The following LRRC37B variants were observed in gnomAD, a reference collection of about 807,000 sequenced individuals.
The protein encoded by LRRC37B is leucine-rich repeat-containing protein 37B.
Under a neutral mutation model 98.3 loss-of-function variants are expected in LRRC37B, and 28 were observed. That is an observed-to-expected ratio of 0.28 (90% CI 0.21 to 0.39). The LOEUF is 0.39. LRRC37B is among the 10% of genes least tolerant of loss of function. LRRC37B has a pLI of 1.00. For missense variants in LRRC37B, 938 were observed against 1,182.7 expected, an observed-to-expected ratio of 0.79 and a Z score of 3.03; for synonymous variants, 364 against 442.7, an observed-to-expected ratio of 0.82 and a Z score of 2.23.
At chr17:32,012,698 A>T (rs1461567614) in intron 1 of LRRC37B, among the ~76,000 whole-genome samples, 5 of 151,296 alleles carry the variant, frequency 3.3e-5, no homozygotes, top group Non-Finnish European at 7.4e-5. Flanking sequence ...CCTGGGAAGC[A>T]GAGCAAGACT....
chr17:32,035,390 C>G (rs769780378), intron 6 of LRRC37B, among the ~76,000 whole-genome samples, 175 bp from the exon 10 acceptor site: 2 of 151,936 alleles, frequency 1.3e-5, no homozygotes, highest in African/African-American at 4.8e-5. Flanking sequence ...TGACGTAGAT[C>G]AACTTAAATT....
intron 1 of LRRC37B, 105 bp downstream of exon 4, chr17:32,022,930 A>T (rs1312279077): frequency 1.8e-6 from 2 of 1,109,208 alleles, no homozygotes; most frequent in Admixed American, 2.0e-5. Context: ...CCATACTGAC[A>T]AGTGACTTTC....
chr17:32,044,606 G>A (rs573513868), intron 7 of LRRC37B, among the ~76,000 whole-genome samples: 205 of 152,300 alleles, frequency 1.3e-3, no homozygotes, highest in African/African-American at 4.5e-3. Context: ...TTTGCTGGGT[G>A]TGGTGGCTCA....
intron 1 of LRRC37B, among the ~76,000 whole-genome samples, chr17:32,013,726 G>A (rs1454417100): frequency 6.6e-6 from 1 of 151,720 alleles, no homozygotes; most frequent in East Asian, 1.9e-4. Flanking sequence ...GTGTGTGTGT[G>A]TGTGTGTGTA....
At chr17:32,041,777 G>A (rs545049167) in intron 7 of LRRC37B, 15 of 458,182 alleles carry the variant, frequency 3.3e-5, no homozygotes, top group Non-Finnish European at 6.6e-5. Flanking sequence ...ACTCCATGGC[G>A]CCGGCCTCCT....
At chr17:32,040,933 A>G (rs1036157955) in intron 7 of LRRC37B, 8 of 962,186 alleles carry the variant, frequency 8.3e-6, no homozygotes, top group Middle Eastern at 2.4e-4. Flanking sequence ...GACTTTGACT[A>G]AAAGAAGCGG....
chr17:32,011,787 G>A (rs547714123), intron 1 of LRRC37B, among the ~76,000 whole-genome samples: 3 of 152,224 alleles, frequency 2.0e-5, no homozygotes, highest in South Asian at 2.1e-4. Flanking sequence ...ATGAGCCACC[G>A]CGCCCAGCCC....
chr17:32,020,875 G>A (rs1910750889), upstream of LRRC37B: 11 of 1,229,492 alleles, frequency 8.9e-6, no homozygotes, highest in Non-Finnish European at 1.1e-5. Context: ...GGCCGCTGGA[G>A]TCCTGGGACC....
chr17:32,009,557 G>GCCGC (rs1375992458), intron 1 of LRRC37B, among the ~76,000 whole-genome samples: 1 of 152,170 alleles, frequency 6.6e-6, no homozygotes, highest in Non-Finnish European at 1.5e-5. Context: ...ACAGGCATGA[G>GCCGC]CCGCCATGCC....
intron 7 of LRRC37B, 75 bp downstream of exon 10, chr17:32,035,714 G>T: frequency 1.4e-6 from 2 of 1,414,604 alleles, no homozygotes; most frequent in South Asian, 1.2e-5. Context: ...CTTAAGTCAG[G>T]TTTATTGAGA....
chr17:32,022,042 C>A, exon 1 of LRRC37B: 1 of 1,613,990 alleles, frequency 6.2e-7, no homozygotes, highest in Non-Finnish European at 8.5e-7. Flanking sequence ...GAACCTTCAA[C>A]CCAGCAGGAG....
At chr17:32,025,030 GTTTTTT>G (rs772444987) in intron 2 of LRRC37B, among the ~76,000 whole-genome samples, 2 of 69,918 alleles carry the variant, frequency 2.9e-5, no homozygotes, top group Non-Finnish European at 5.1e-5. Flanking sequence ...TTTTTTCCTC[GTTTTTT>G]TTTTTTTTTT....
At chr17:32,012,040 T>A (rs1269802383) in intron 1 of LRRC37B, among the ~76,000 whole-genome samples, 1 of 152,060 alleles carries the variant, frequency 6.6e-6, no homozygotes, top group Non-Finnish European at 1.5e-5. Flanking sequence ...AAAAAAAAAA[T>A]TTAGAGGTTT....
At chr17:32,011,374 T>C (rs1245113506) in intron 1 of LRRC37B, among the ~76,000 whole-genome samples, 2 of 152,192 alleles carry the variant, frequency 1.3e-5, no homozygotes, top group African/African-American at 4.8e-5. Flanking sequence ...CTTTCTTTCT[T>C]TTCAAATAGA....
At chr17:32,044,217 A>C (rs1275010511) in intron 7 of LRRC37B, among the ~76,000 whole-genome samples, 1 of 151,982 alleles carries the variant, frequency 6.6e-6, no homozygotes, top group Admixed American at 6.6e-5. Context: ...TAAATTAATC[A>C]ATTATCTTGG....
chr17:32,046,451 T>G (rs1911582198), intron 8 of LRRC37B, among the ~76,000 whole-genome samples: 1 of 152,204 alleles, frequency 6.6e-6, no homozygotes, highest in Admixed American at 6.5e-5. Flanking sequence ...TTTCTGTAGA[T>G]TAGGTTTATT....
intron 10 of LRRC37B, among the ~76,000 whole-genome samples, 158 bp from the exon 14 acceptor site, chr17:32,049,845 G>A (rs1911696881): frequency 6.6e-6 from 1 of 151,880 alleles, no homozygotes; most frequent in Non-Finnish European, 1.5e-5. Flanking sequence ...TCCCGCCTGG[G>A]TGACAGAGTG....
At chr17:32,010,779 T>C in intron 1 of LRRC37B, among the ~76,000 whole-genome samples, 1 of 152,210 alleles carries the variant, frequency 6.6e-6, no homozygotes, top group Non-Finnish European at 1.5e-5. Context: ...AATCAACTTG[T>C]CTTCATCCCT....
exon 10 of LRRC37B, chr17:32,049,299 G>A (rs766188000): frequency 6.2e-7 from 1 of 1,613,816 alleles, no homozygotes; most frequent in Non-Finnish European, 8.5e-7. Flanking sequence ...GGAAGCAAAG[G>A]CATTGAATGT....
Sources: allele counts gnomAD v4.1 joint callset (sites outside exome capture counted in the v4.1 genomes callset), GRCh38; gene constraint gnomAD v4.1.1; transcripts MANE v1.5; gene names NCBI Gene and HGNC (gene_info 2026-07-23, HGNC 2026-07-21).